The following ADAMTS12 variants were observed in gnomAD, a reference collection of about 807,000 sequenced individuals.
The protein encoded by ADAMTS12 is ADAM metallopeptidase with thrombospondin type 1 motif 12.
ADAMTS12 carries 118 observed loss-of-function variants against 167.8 expected under a neutral mutation model. The ratio of observed to expected loss-of-function variants is 0.70; its 90% CI spans 0.61 to 0.82. The LOEUF is 0.82. Among genes scored for constraint, ADAMTS12 ranks in the 40% least tolerant of loss-of-function variants. The pLI is 0.00. For missense variants in ADAMTS12, 1,916 were observed against 1,998.8 expected (o/e 0.96, Z 0.79); for synonymous variants, 704 against 716.9 (o/e 0.98, Z 0.29).
In ADAMTS12 at chr5:33,891,297, C is replaced by T. The variant is rs141759348; in HGVS notation, c.127+433G>A. Among the ~76,000 whole-genome samples the T allele has an allele frequency of 8.5e-5, 13 of 152,228 alleles. No homozygotes were observed. In the East Asian group the frequency reaches 2.5e-3, roughly 29 times the overall value. On this transcript the variant is annotated intron_variant, in intron 1 of 23. Coordinates refer to ENST00000504830, the MANE Select transcript of ADAMTS12 (RefSeq NM_030955.4). ...CAGTAGGGGGGAAGAATCACATTTC[C>T]CCTTTCCTGACCAGAGGTTTAAAAC...
chr5:33,607,978 G>C (rs1267860382), intron 16 of ADAMTS12, among the ~76,000 whole-genome samples: 1 of 152,168 alleles, frequency 6.6e-6, no homozygotes, highest in Non-Finnish European at 1.5e-5. Context: ...CAACAGAATA[G>C]GAGCTGGGAA....
chr5:33,626,388 A>G (rs1472220162), intron 13 of ADAMTS12, among the ~76,000 whole-genome samples: 50 of 101,058 alleles, frequency 4.9e-4, no homozygotes, highest in East Asian at 9.7e-4. Flanking sequence ...GGGTGATGGT[A>G]GTGGTGATGG....
At chr5:33,598,792 G>C (rs546049612) in intron 16 of ADAMTS12, among the ~76,000 whole-genome samples, 1 of 152,148 alleles carries the variant, frequency 6.6e-6, no homozygotes, top group African/African-American at 2.4e-5. Context: ...CCCATTCAGC[G>C]TGCTCTTCTA....
chr5:33,873,337 A>C (rs1210746096), intron 2 of ADAMTS12, among the ~76,000 whole-genome samples: 1 of 152,188 alleles, frequency 6.6e-6, no homozygotes, highest in East Asian at 1.9e-4. Flanking sequence ...CCAAAAATTA[A>C]ATACTTAGAT....
chr5:33,851,964 A>C (rs1749235144), intron 2 of ADAMTS12, among the ~76,000 whole-genome samples: 1 of 152,232 alleles, frequency 6.6e-6, no homozygotes, highest in Non-Finnish European at 1.5e-5. Flanking sequence ...AAGCTCTGCC[A>C]TGAGTGGCAC....
intron 2 of ADAMTS12, among the ~76,000 whole-genome samples, chr5:33,853,950 A>C (rs1443378620): frequency 1.3e-5 from 2 of 152,208 alleles, no homozygotes; most frequent in Non-Finnish European, 2.9e-5. Flanking sequence ...AGCTCTAAAG[A>C]GGCAAAGTCT....
chr5:33,683,819 T>C (rs533112506), intron 4 of ADAMTS12, 40 bp downstream of exon 4: 3 of 1,371,594 alleles, frequency 2.2e-6, no homozygotes, highest in East Asian at 5.2e-5. Flanking sequence ...TAATGACATC[T>C]GTTCACTAGC....
intron 11 of ADAMTS12, among the ~76,000 whole-genome samples, chr5:33,638,208 T>A (rs894967388): frequency 3.3e-5 from 5 of 152,228 alleles, no homozygotes; most frequent in African/African-American, 1.2e-4. Flanking sequence ...CTTATCTCCA[T>A]TCCTATCTCT....
intron 2 of ADAMTS12, among the ~76,000 whole-genome samples, chr5:33,870,321 G>A (rs1749990858): frequency 6.6e-6 from 1 of 152,224 alleles, no homozygotes; most frequent in Non-Finnish European, 1.5e-5. Flanking sequence ...ATTGACTGGG[G>A]AAGTGATAAA....
At chr5:33,613,008 C>T (rs557555121) in intron 16 of ADAMTS12, among the ~76,000 whole-genome samples, 2 of 152,264 alleles carry the variant, frequency 1.3e-5, no homozygotes, top group East Asian at 3.9e-4. Context: ...GTTGATGGTG[C>T]ACAACTCTCA....
intron 2 of ADAMTS12, among the ~76,000 whole-genome samples, chr5:33,866,625 A>G (rs925775032): frequency 6.6e-6 from 1 of 152,178 alleles, no homozygotes; most frequent in African/African-American, 2.4e-5. Context: ...TGGCTTCTGC[A>G]TAGCAAAATA....
At chr5:33,888,949 T>C (rs892403041) in intron 1 of ADAMTS12, among the ~76,000 whole-genome samples, 2 of 152,222 alleles carry the variant, frequency 1.3e-5, no homozygotes, top group Non-Finnish European at 2.9e-5. Context: ...TTTATCTCCA[T>C]ACTCCTTCCA....
intron 2 of ADAMTS12, among the ~76,000 whole-genome samples, chr5:33,777,501 A>G (rs910813040): frequency 6.6e-6 from 1 of 152,140 alleles, no homozygotes; most frequent in African/African-American, 2.4e-5. Flanking sequence ...AAAAACTCTC[A>G]ATAAATTGGG....
intron 6 of ADAMTS12, 97 bp downstream of exon 6, chr5:33,661,819 T>A: frequency 6.6e-7 from 1 of 1,521,810 alleles, no homozygotes; most frequent in Non-Finnish European, 9.0e-7. Flanking sequence ...CAGCAAAGAA[T>A]AGTGAGAATG....
intron 7 of ADAMTS12, among the ~76,000 whole-genome samples, chr5:33,657,108 G>A (rs1337966222): frequency 6.6e-6 from 1 of 152,168 alleles, no homozygotes; most frequent in Non-Finnish European, 1.5e-5. Flanking sequence ...CAGTAGAAAA[G>A]TCAGAACAAC....
chr5:33,891,694 C>A, intron 1 of ADAMTS12, 36 bp downstream of exon 1: 6 of 1,612,940 alleles, frequency 3.7e-6, no homozygotes, highest in East Asian at 2.2e-5. Flanking sequence ...GTCTTACCAC[C>A]ACTGTTTTAA....
chr5:33,735,153 CA>C (rs1744326478), intron 3 of ADAMTS12, among the ~76,000 whole-genome samples: 1 of 152,174 alleles, frequency 6.6e-6, no homozygotes, highest in Non-Finnish European at 1.5e-5. Flanking sequence ...AAATCCAGCA[CA>C]AAGAGGTTAA....
chr5:33,883,559 T>G (rs1750532124), intron 1 of ADAMTS12, among the ~76,000 whole-genome samples: 1 of 151,896 alleles, frequency 6.6e-6, no homozygotes, highest in African/African-American at 2.4e-5. Context: ...ACAGCAACAC[T>G]CCACGAAAAA....
chr5:33,689,851 T>C (rs1181159936), intron 3 of ADAMTS12, among the ~76,000 whole-genome samples: 1 of 152,228 alleles, frequency 6.6e-6, no homozygotes, highest in Non-Finnish European at 1.5e-5. Context: ...CTTTCCTTGA[T>C]ACAAAGATTA....
Sources: allele counts gnomAD v4.1 joint callset (sites outside exome capture counted in the v4.1 genomes callset), GRCh38; gene constraint gnomAD v4.1.1; transcripts MANE v1.5; gene names NCBI Gene and HGNC (gene_info 2026-07-23, HGNC 2026-07-21).